MIPEP: variants seen among roughly 807,000 people sequenced by gnomAD.
MIPEP encodes mitochondrial intermediate peptidase.
A neutral mutation model predicts 90.3 loss-of-function variants in MIPEP; 79 were observed. The ratio of observed to expected loss-of-function variants is 0.87; its 90% CI spans 0.73 to 1.05. MIPEP has a LOEUF of 1.05. MIPEP is among the 50% of genes least tolerant of loss of function. The pLI is 0.00. For synonymous variants in MIPEP, 334 were observed against 315.8 expected, an observed-to-expected ratio of 1.06 and a Z score of -0.61; for missense variants, 940 against 905.6, an observed-to-expected ratio of 1.04 and a Z score of -0.49.
intron 14 of MIPEP, among the ~76,000 whole-genome samples, chr13:23,833,627 C>G (rs1049497990): frequency 2.0e-5 from 3 of 152,222 alleles, no homozygotes; most frequent in Non-Finnish European, 2.9e-5. Flanking sequence ...ACACTTGGAG[C>G]AGTGACTCCA....
At chr13:23,802,579 G>A (rs1004450097) in intron 16 of MIPEP, among the ~76,000 whole-genome samples, 1 of 152,094 alleles carries the variant, frequency 6.6e-6, no homozygotes, top group Non-Finnish European at 1.5e-5. Flanking sequence ...AGGCAGGGGG[G>A]GAAGTCAGTT....
chr13:23,853,095 A>G (rs1019073110), intron 10 of MIPEP, among the ~76,000 whole-genome samples: 1 of 152,358 alleles, frequency 6.6e-6, no homozygotes, highest in Admixed American at 6.5e-5. Context: ...TAAAAACTAA[A>G]AAGTTTATAA....
At chr13:23,775,614 T>C (rs76759982) in intron 16 of MIPEP, among the ~76,000 whole-genome samples, 6 of 151,830 alleles carry the variant, frequency 4.0e-5, no homozygotes, top group Non-Finnish European at 1.5e-5. Flanking sequence ...ATGTTTTACT[T>C]ACCAAAAAAA....
chr13:23,749,091 A>G (rs1191470016), intron 18 of MIPEP, among the ~76,000 whole-genome samples: 1 of 152,216 alleles, frequency 6.6e-6, no homozygotes, highest in Non-Finnish European at 1.5e-5. Flanking sequence ...AGTATTAACT[A>G]CTACTAATTT....
At chr13:23,772,361 T>C (rs907918003) in intron 16 of MIPEP, among the ~76,000 whole-genome samples, 2 of 152,088 alleles carry the variant, frequency 1.3e-5, no homozygotes, top group Non-Finnish European at 2.9e-5. Context: ...GGCTGAAATA[T>C]ATGGAAAACT....
At chr13:23,762,261 G>T (rs1026858227) in intron 16 of MIPEP, among the ~76,000 whole-genome samples, 4 of 151,896 alleles carry the variant, frequency 2.6e-5, no homozygotes, top group Non-Finnish European at 5.9e-5. Flanking sequence ...TATAATCCTT[G>T]CTACAACTCT....
intron 7 of MIPEP, among the ~76,000 whole-genome samples, chr13:23,865,852 G>A (rs1290216622): frequency 1.3e-5 from 2 of 151,896 alleles, no homozygotes; most frequent in Non-Finnish European, 2.9e-5. Flanking sequence ...TGTATTTTTA[G>A]TAGAGATGGG....
At chr13:23,863,299 C>T (rs1042850198) in intron 8 of MIPEP, among the ~76,000 whole-genome samples, 2 of 152,114 alleles carry the variant, frequency 1.3e-5, no homozygotes, top group Admixed American at 6.5e-5. Context: ...AGTGTATGAT[C>T]GAAGGCACTG....
In MIPEP at chr13:23,861,999, G is replaced by C. The variant is rs1231694336; in HGVS notation, c.1053+303C>G. On this transcript the variant is annotated intron_variant, in intron 9 of 18. Coordinates refer to ENST00000382172, the MANE Select transcript of MIPEP (RefSeq NM_005932.4). ...CCTCCACTGAGTCTCCTTAAAGTCT[G>C]CTTCAAACTGAGAAGCCAACATTCC... 2.6e-5 allele frequency among the ~76,000 whole-genome samples: 4 copies of C among 152,162 alleles called. No individual in the cohort carries two copies. The East Asian group carries it at 7.7e-4, about 29-fold the overall frequency.
intron 5 of MIPEP, among the ~76,000 whole-genome samples, chr13:23,872,465 A>AAAT (rs574174553): frequency 4.6e-5 from 7 of 152,152 alleles, no homozygotes; most frequent in Non-Finnish European, 8.8e-5. Flanking sequence ...CTGTCTCAAA[A>AAAT]AATAATAATA....
chr13:23,785,957 G>A (rs1246204554), intron 16 of MIPEP, among the ~76,000 whole-genome samples: 6 of 152,146 alleles, frequency 3.9e-5, no homozygotes, highest in Admixed American at 1.3e-4. Flanking sequence ...AGTGACTCAC[G>A]TCTGTAATCC....
intron 16 of MIPEP, among the ~76,000 whole-genome samples, chr13:23,762,108 G>A (rs1268022212): frequency 6.6e-6 from 1 of 151,748 alleles, no homozygotes. Context: ...CTAGGCGACA[G>A]AGCAAGAATC....
At chr13:23,817,097 T>C (rs1447344715) in intron 14 of MIPEP, among the ~76,000 whole-genome samples, 1 of 152,206 alleles carries the variant, frequency 6.6e-6, no homozygotes, top group Non-Finnish European at 1.5e-5. Flanking sequence ...GTAGGAAGGT[T>C]GGTTGCCAGC....
chr13:23,810,188 G>A (rs1953156550), intron 14 of MIPEP, among the ~76,000 whole-genome samples: 1 of 152,126 alleles, frequency 6.6e-6, no homozygotes, highest in South Asian at 2.1e-4. Flanking sequence ...CACTGGCGCC[G>A]ATCTTTAAAA....
At chr13:23,853,857 T>C (rs536901727) in intron 10 of MIPEP, among the ~76,000 whole-genome samples, 13 of 151,538 alleles carry the variant, frequency 8.6e-5, no homozygotes, top group South Asian at 6.3e-4. Context: ...TGAGCCACTG[T>C]GCCCAGCCCA....
In MIPEP at chr13:23,833,804, G is replaced by T. The variant is rs968467771; in HGVS notation, c.1653+2436C>A. On this transcript the variant is annotated intron_variant, in intron 14 of 18. Coordinates refer to ENST00000382172, the MANE Select transcript of MIPEP (RefSeq NM_005932.4). The stretch of plus-strand genomic sequence containing the variant: ...CACCCCCGCGTGTGTGTCCTCCCAC[G>T]CCCTGTGTTCGCGCCCCTCGCCAGA... Among the ~76,000 whole-genome samples the T allele has an allele frequency of 7.9e-5, 12 of 152,132 alleles. No individual in the cohort carries two copies. The East Asian group carries it at 1.7e-3, about 22-fold the overall frequency.
chr13:23,809,064 G>A (rs1043080491), intron 15 of MIPEP, among the ~76,000 whole-genome samples: 2 of 152,098 alleles, frequency 1.3e-5, no homozygotes, highest in Non-Finnish European at 2.9e-5. Context: ...AAACATCTAC[G>A]CATCTGATGT....
In MIPEP at chr13:23,889,249, C is replaced by T. The variant is rs1448180063; in HGVS notation, c.72G>A (p.Arg24=). 1 of 1,393,330 alleles carries T rather than the reference C, an allele frequency of 7.2e-7. No homozygotes were observed. Among genetic ancestry groups the T allele is most frequent in the Non-Finnish European group, 9.3e-7 (1 of 1,073,874 alleles). The allele number at this position is 1,393,330 out of a possible 1,614,324, so 86.3% of individuals were successfully genotyped here. A position where few individuals can be genotyped will look rare whatever the true frequency, so the allele number is the denominator to read the frequency against. ...CCCGGATCCCGGCTTCGAGGCTTCC[C>T]CGGCCCGCCCGGCGGGGCGGCAGAG... is the stretch of plus-strand genomic sequence containing the variant. ...AAALPPRRAG[R]GSLEAGIRAR... is the part of the protein sequence containing the mutation. Residue 24 remains arginine, a synonymous_variant, in exon 1 of 19, where the codon CGG becomes CGA. Transcript: ENST00000382172.
At position 23,774,039 on chromosome 13, in the gene MIPEP, CT is replaced by C. The variant is rs537369337; in HGVS notation, c.1849-13823del. Among the ~76,000 whole-genome samples, 38 of 152,272 alleles carry C rather than the reference CT, an allele frequency of 2.5e-4. 1 individual carries two copies. Among genetic ancestry groups the C allele is most frequent in the Admixed American group, 2.2e-3 (34 of 15,298 alleles). On this transcript the variant is annotated intron_variant, in intron 16 of 18. Coordinates refer to ENST00000382172, the MANE Select transcript of MIPEP (RefSeq NM_005932.4). Reference sequence around the variant, plus strand: ...TGTGTATGTAATCCTATGTTTTCTTCTAGGAATATTCCAGTTTTAACTCTTA... The same window carrying C: ...TGTGTATGTAATCCTATGTTTTCTTCAGGAATATTCCAGTTTTAACTCTTA...
Sources: allele counts gnomAD v4.1 joint callset (sites outside exome capture counted in the v4.1 genomes callset), GRCh38; gene constraint gnomAD v4.1.1; transcripts MANE v1.5; gene names NCBI Gene and HGNC (gene_info 2026-07-23, HGNC 2026-07-21).